TTC22: variants seen among roughly 807,000 people sequenced by gnomAD.
TTC22 encodes the protein tetratricopeptide repeat protein 22.
A neutral mutation model predicts 48.2 loss-of-function variants in TTC22; 42 were observed. The ratio of observed to expected loss-of-function variants is 0.87; its 90% CI spans 0.68 to 1.13. The LOEUF is 1.13. Among genes scored for constraint, TTC22 ranks in the 50% most tolerant of loss-of-function variants. TTC22 has a pLI of 0.00. For missense variants in TTC22, 784 were observed against 807.0 expected, an observed-to-expected ratio of 0.97 and a Z score of 0.34; for synonymous variants, 345 against 365.5, an observed-to-expected ratio of 0.94 and a Z score of 0.64.
At chr1:54,786,223 G>C in intron 4 of TTC22, 79 bp from the exon 5 acceptor site, 1 of 1,358,546 alleles carries the variant, frequency 7.4e-7, no homozygotes, top group Non-Finnish European at 1.0e-6. Flanking sequence ...TGAACCACAG[G>C]AACCCCATCT....
Position 54,781,302 on chromosome 1 carries a change from T to C in TTC22, c.1651A>G (p.Met551Val). ...CTGGCGCCCTCGCCCTCGCGCTCCA[T>C]GGTCTCGAAGAGCAGCCGCACCAGC... ...PALVRLLFETMEREGEGASAP... is the reference protein window; with the variant it reads ...PALVRLLFETVEREGEGASAP... The change falls in exon 7 of 7, where the codon ATG becomes GTG. Residue 551 changes from methionine (M) to valine (V), a missense_variant. Coordinates refer to ENST00000371276, the MANE Select transcript of TTC22 (RefSeq NM_001114108.2). 2 of 1,472,966 alleles carry C rather than the reference T, an allele frequency of 1.4e-6. No individual in the cohort carries two copies. The highest frequency in any genetic ancestry group is 1.8e-6 in the Non-Finnish European group (2 of 1,120,518). The allele number at this position is 1,472,966 out of a possible 1,614,324, so 91.2% of individuals were successfully genotyped here. A position where few individuals can be genotyped will look rare whatever the true frequency, so the allele number is the denominator to read the frequency against.
chr1:54,786,666 G>A (rs1646304121), intron 4 of TTC22: 1 of 334,498 alleles, frequency 3.0e-6, no homozygotes, highest in Non-Finnish European at 5.4e-6. Flanking sequence ...TGGGGGTGGA[G>A]AGGTAGGGAA....
rs555513982 is a variant in TTC22 at position 54,801,296 on chromosome 1, T to G, written c.-133A>C. On this transcript the variant is annotated 5_prime_UTR_variant, in exon 1 of 7. Transcript: ENST00000371276. ...GGCAGAGGCCCCGGGCGCTGCGGCC[T>G]CTCGGTCTCAGGGCGCCTCCCGCAG... 5.9e-4 allele frequency: 550 copies of G among 934,196 alleles called. 1 individual carries two copies. The highest frequency in any genetic ancestry group is 8.2e-4 in the Non-Finnish European group (513 of 628,552). 57.9% of individuals were successfully genotyped at this position (934,196 alleles called of 1,614,324 possible). A position where few individuals can be genotyped will look rare whatever the true frequency, so the allele number is the denominator to read the frequency against.
At position 54,801,213 on chromosome 1, in the gene TTC22, A is replaced by G. The variant is rs1646436036; in HGVS notation, c.-50T>C. 1 of 1,575,858 alleles carries G rather than the reference A, an allele frequency of 6.3e-7. No individual in the cohort carries two copies. The highest frequency in any genetic ancestry group is 2.3e-5 in the East Asian group (1 of 44,000). ...CTCACCCTTGTCCCTGAGGCTGTGG[A>G]GGGCAGTGGATGGGGGCGTTCCCCG... On this transcript the variant is annotated 5_prime_UTR_variant, in exon 1 of 7. Coordinates refer to ENST00000371276, the MANE Select transcript of TTC22 (RefSeq NM_001114108.2).
At chr1:54,797,257 T>G (rs767435871) in intron 1 of TTC22, among the ~76,000 whole-genome samples, 1 of 139,138 alleles carries the variant, frequency 7.2e-6, no homozygotes. Flanking sequence ...TGAGTGTATA[T>G]GTGTGTAAGA....
chr1:54,781,260 G>C lies in TTC22; in HGVS notation c.1693C>G (p.Arg565Gly), dbSNP rs1646259155. The change falls in exon 7 of 7, where the codon CGG becomes GGG. Residue 565 changes from arginine to glycine, a missense_variant. Coordinates refer to ENST00000371276, the MANE Select transcript of TTC22 (RefSeq NM_001114108.2). ...CCTGAGCCCTAGAATGAGACAGCCCGGCGGTCCCGCGGCGCGCTGGCGCCC... is the reference window on the plus strand; with the variant it reads ...CCTGAGCCCTAGAATGAGACAGCCCCGCGGTCCCGCGGCGCGCTGGCGCCC... Reference protein sequence around the residue: ...GEGASAPRDRRAVSF With the variant: ...GEGASAPRDRGAVSF The C allele has an allele frequency of 4.1e-6, 6 of 1,475,428 alleles. No homozygotes were observed. The South Asian group carries it at 7.7e-5, about 19-fold the overall frequency. The allele number at this position is 1,475,428 out of a possible 1,614,324, so 91.4% of individuals were successfully genotyped here.
At chr1:54,795,774 AC>A (rs1188513519) in intron 1 of TTC22, among the ~76,000 whole-genome samples, 1 of 152,204 alleles carries the variant, frequency 6.6e-6, no homozygotes, top group Non-Finnish European at 1.5e-5. Context: ...GGAGGAGGGT[AC>A]CCAGCTCTCA....
In TTC22 at chr1:54,781,559, C is replaced by A. The variant is rs1570103116; in HGVS notation, c.1394G>T (p.Gly465Val). 6 of 1,520,526 alleles carry A rather than the reference C, an allele frequency of 3.9e-6. No homozygotes were observed. Among genetic ancestry groups the A allele is most frequent in the Non-Finnish European group, 5.3e-6 (6 of 1,141,252 alleles). The allele number at this position is 1,520,526 out of a possible 1,614,324, so 94.2% of individuals were successfully genotyped here. A position where few individuals can be genotyped will look rare whatever the true frequency, so the allele number is the denominator to read the frequency against. ...GCCGAAGCCGTCGGTGTGGCTGGAG[C>A]CCGCGTCGTCCAGCTCCACTGCGCG... ...FKRAVELDDAGSSHTDGFGCL... is the reference protein window; with the variant it reads ...FKRAVELDDAVSSHTDGFGCL... Residue 465 changes from glycine (G) to valine (V), a missense_variant, in exon 7 of 7, where the codon GGC becomes GTC. Coordinates refer to ENST00000371276, the MANE Select transcript of TTC22 (RefSeq NM_001114108.2).
chr1:54,800,921 C>T lies in TTC22; in HGVS notation c.243G>A (p.Glu81=). 6.2e-7 allele frequency: 1 copy of T among 1,609,564 alleles called. No homozygotes were observed. The highest frequency in any genetic ancestry group is 1.1e-5 in the South Asian group (1 of 90,860). Residue 81 remains glutamate, a synonymous_variant, in exon 1 of 7, where the codon GAG becomes GAA. Coordinates refer to ENST00000371276, the MANE Select transcript of TTC22 (RefSeq NM_001114108.2). ...GGAAGCACTCGCGGGCCTCGTCCAG[C>T]TCCTCCAGGTAGAATGCGAAAGCGC... ...LLGAFAFYLE[E]LDEARECFLE...
intron 1 of TTC22, 55 bp downstream of exon 1, chr1:54,800,542 C>G (rs1646425053): frequency 7.3e-7 from 1 of 1,374,156 alleles, no homozygotes; most frequent in East Asian, 2.8e-5. Context: ...ACAGAAGGGA[C>G]CATGGGAGGA....
intron 3 of TTC22, 47 bp downstream of exon 3, chr1:54,787,664 T>C: frequency 6.9e-7 from 1 of 1,446,376 alleles, no homozygotes; most frequent in South Asian, 1.2e-5. Context: ...AGCGGGCTGT[T>C]GGCAGGGGGC....
intron 5 of TTC22, chr1:54,785,387 G>C (rs979672580): frequency 1.0e-4 from 29 of 287,700 alleles, no homozygotes; most frequent in African/African-American, 6.7e-4. Context: ...CCACAAGGCG[G>C]AGAAGCCAGA....
intron 1 of TTC22, among the ~76,000 whole-genome samples, chr1:54,797,337 G>A (rs559271495): frequency 2.6e-5 from 4 of 152,164 alleles, no homozygotes; most frequent in Admixed American, 6.5e-5. Context: ...TGATCAAAGC[G>A]ATCTGCCTCC....
Position 54,788,047 on chromosome 1 carries a change from G to A in TTC22, c.618C>T (p.Tyr206=). The part of the protein sequence containing the change: ...RGWYFTMATL[Y]IRLDGIFLEL... ...CCACCACCCTCTTGCCTGACCTGATGTAGAGTGTTGCCATGGTGAAATACC... is the reference window on the plus strand; with the variant it reads ...CCACCACCCTCTTGCCTGACCTGATATAGAGTGTTGCCATGGTGAAATACC... The change falls in exon 2 of 7, where the codon TAC becomes TAT. Residue 206 remains tyrosine, a synonymous_variant. Coordinates refer to ENST00000371276, the MANE Select transcript of TTC22 (RefSeq NM_001114108.2). 6.2e-7 allele frequency: 1 copy of A among 1,613,966 alleles called. No individual in the cohort carries two copies. Among genetic ancestry groups the A allele is most frequent in the Non-Finnish European group, 8.5e-7 (1 of 1,179,914 alleles).
chr1:54,791,956 C>T (rs1646354995), intron 1 of TTC22, among the ~76,000 whole-genome samples: 1 of 151,870 alleles, frequency 6.6e-6, no homozygotes, highest in Admixed American at 6.6e-5. Context: ...GGCGAAGTGG[C>T]TTACCTAAGG....
intron 5 of TTC22, among the ~76,000 whole-genome samples, chr1:54,784,003 A>G (rs10888880): frequency 0.19 from 29,519 of 152,156 alleles, 3,811 homozygotes; most frequent in East Asian, 0.51. Flanking sequence ...CCTTATCTCT[A>G]AAATAATTTT....
In TTC22 at chr1:54,800,720, G is replaced by C. The variant is rs763656821; in HGVS notation, c.444C>G (p.Arg148=). 1.3e-6 allele frequency: 2 copies of C among 1,542,800 alleles called. No homozygotes were observed. Among genetic ancestry groups the C allele is most frequent in the African/African-American group, 2.7e-5 (2 of 72,890 alleles). ...GCGCGTAGCCCTGCTCGGCCAGGCA[G>C]CGAGCGGCGCGGAGCTGGGGGTCCC... The part of the protein sequence containing the change: ...AAGDPQLRAA[R]CLAEQGYAHG... The change falls in exon 1 of 7, where the codon CGC becomes CGG. Residue 148 remains arginine (R), a synonymous_variant. Transcript: ENST00000371276.
At chr1:54,799,369 A>G (rs1646416004) in intron 1 of TTC22, among the ~76,000 whole-genome samples, 1 of 152,166 alleles carries the variant, frequency 6.6e-6, no homozygotes, top group African/African-American at 2.4e-5. Context: ...CTCCTCCAGG[A>G]AGGCTTCCCC....
intron 1 of TTC22, among the ~76,000 whole-genome samples, 179 bp downstream of exon 1, chr1:54,800,418 G>A (rs1000800898): frequency 2.6e-5 from 4 of 152,180 alleles, no homozygotes; most frequent in Non-Finnish European, 5.9e-5. Flanking sequence ...TCCACTCCCA[G>A]GAGAGAGCTA....
Sources: gnomAD v4.1 joint callset for allele counts (sites outside exome capture counted in the v4.1 genomes callset) on GRCh38, gnomAD v4.1.1 for gene constraint, MANE v1.5 for transcripts, NCBI Gene and HGNC (gene_info 2026-07-23, HGNC 2026-07-21) for gene names.